The following GAS6 variants were observed in gnomAD, a reference collection of about 807,000 sequenced individuals.
GAS6 encodes growth arrest-specific protein 6.
GAS6 carries 41 observed loss-of-function variants against 75.8 expected under a neutral mutation model. That is an observed-to-expected ratio of 0.54 (90% CI 0.42 to 0.70). GAS6 has a LOEUF of 0.70. Among genes scored for constraint, GAS6 ranks in the 30% least tolerant of loss-of-function variants. GAS6 has a pLI of 0.00. For synonymous variants in GAS6, 432 were observed against 412.6 expected, an observed-to-expected ratio of 1.05 and a Z score of -0.57; for missense variants, 854 against 940.2, an observed-to-expected ratio of 0.91 and a Z score of 1.20.
intron 2 of GAS6, among the ~76,000 whole-genome samples, chr13:113,860,719 T>G (rs530545827): frequency 3.3e-4 from 50 of 151,434 alleles, no homozygotes; most frequent in Admixed American, 3.0e-3. Context: ...AGGAGGCATG[T>G]GGGGGTGGCC....
Position 113,834,691 on chromosome 13 carries a change from C to T in GAS6, c.713-19G>A, listed in dbSNP as rs370209909. ...TCCACATCTGCCAGCCAGAGGGAAG[C>T]GGCGGTGAGCCGGGGAGGCCTCTAC... is the stretch of plus-strand genomic sequence containing the variant. On this transcript the variant is annotated intron_variant, in intron 7 of 14. Coordinates refer to ENST00000327773, the MANE Select transcript of GAS6 (RefSeq NM_000820.4). The T allele has an allele frequency of 1.3e-4, 197 of 1,524,092 alleles. No individual in the cohort carries two copies. The highest frequency in any genetic ancestry group is 7.1e-4 in the Admixed American group (35 of 49,426). The allele number at this position is 1,524,092 out of a possible 1,614,324, so 94.4% of individuals were successfully genotyped here.
In GAS6 at chr13:113,832,416, G is replaced by A. The variant is rs755494619; in HGVS notation, c.1026C>T (p.Asp342=). The change falls in exon 10 of 15, where the codon GAC becomes GAT. Residue 342 remains aspartate (D), a synonymous_variant. Coordinates refer to ENST00000327773, the MANE Select transcript of GAS6 (RefSeq NM_000820.4). ...GILLFAGGHQ[D]STWIVLALRA... ...TCAGGGCCAGCACGATCCAGGTGCT[G>A]TCCTGGTGGCCTCCGGCAAAGAGGA... The A allele has an allele frequency of 4.0e-5, 65 of 1,610,662 alleles. No homozygotes were observed. In the East Asian group the frequency reaches 1.4e-3, roughly 34 times the overall value.
chr13:113,825,970 C>T (rs542517037), intron 12 of GAS6, among the ~76,000 whole-genome samples: 20 of 151,742 alleles, frequency 1.3e-4, no homozygotes, highest in East Asian at 3.9e-4. Flanking sequence ...GCCCTCTGTG[C>T]GTGTGGGGGC....
rs2051662935 is a variant in GAS6 at position 113,833,882 on chromosome 13, AAGTC to A, written c.834+665_834+668del. 15 of 1,033,584 alleles carry A rather than the reference AAGTC, an allele frequency of 1.5e-5. No individual in the cohort carries two copies. In the South Asian group the frequency reaches 4.2e-4, roughly 29 times the overall value. 64.0% of individuals were successfully genotyped at this position (1,033,584 alleles called of 1,614,324 possible). ...GGTCGGTGTGAGACACTGGTGTGAC[AAGTC>A]AGTGTGACAGGCAGTGGTGTGACAG... On this transcript the variant is annotated intron_variant, in intron 8 of 14. Coordinates refer to ENST00000327773, the MANE Select transcript of GAS6 (RefSeq NM_000820.4).
intron 8 of GAS6, 81 bp from the exon 9 acceptor site, chr13:113,832,833 C>A: frequency 6.2e-7 from 1 of 1,600,048 alleles, no homozygotes; most frequent in Middle Eastern, 1.7e-4. Context: ...GGCCGCGCAG[C>A]GGGTCCACTG....
At chr13:113,829,590 G>T (rs2051603602) in intron 10 of GAS6, among the ~76,000 whole-genome samples, 1 of 151,334 alleles carries the variant, frequency 6.6e-6, no homozygotes, top group South Asian at 2.1e-4. Flanking sequence ...AGCCAAGAGG[G>T]TCCCAACCTC....
chr13:113,849,251 G>A (rs1191215365), intron 2 of GAS6, among the ~76,000 whole-genome samples: 2 of 152,148 alleles, frequency 1.3e-5, no homozygotes, highest in African/African-American at 4.8e-5. Context: ...GTGTCTGTTG[G>A]GAGGGCGGCC....
At chr13:113,823,644 G>T (rs7987377) in intron 12 of GAS6, 94 bp from the exon 13 acceptor site, 12 of 1,274,456 alleles carry the variant, frequency 9.4e-6, no homozygotes, top group Admixed American at 8.9e-5. Flanking sequence ...GTCCCAGCCG[G>T]GGTGGGAAGC....
At chr13:113,825,620 A>C (rs148014671) in intron 12 of GAS6, among the ~76,000 whole-genome samples, 1,980 of 152,330 alleles carry the variant, frequency 0.013, 12 homozygotes, top group Non-Finnish European at 0.021. Context: ...TACCCCTGAG[A>C]AATGTGTATG....
intron 4 of GAS6, among the ~76,000 whole-genome samples, chr13:113,846,250 G>A (rs902058665): frequency 1.3e-5 from 2 of 152,244 alleles, no homozygotes; most frequent in African/African-American, 4.8e-5. Context: ...AACTACGGTG[G>A]TGTCTGACTG....
intron 2 of GAS6, among the ~76,000 whole-genome samples, chr13:113,859,057 T>C (rs754691562): frequency 2.8e-4 from 41 of 146,612 alleles, no homozygotes; most frequent in South Asian, 1.0e-3. Context: ...TGTGTGACTG[T>C]GTGTACGTAT....
chr13:113,835,881 G>T (rs1424596144), intron 6 of GAS6: 2 of 1,347,868 alleles, frequency 1.5e-6, no homozygotes, highest in African/African-American at 3.0e-5. Context: ...TGGAGAGCTG[G>T]GAAGGGCCCT....
In GAS6 at chr13:113,823,489, G is replaced by T. The variant is rs766469912; in HGVS notation, c.1539C>A (p.Ile513=). ...STWEVEVVAH[I]RPAADTGVLF... ...GCACGCCTGTGTCTGCGGCTGGGCG[G>T]ATGTGAGCCACGACTTCTACTTCCC... is the stretch of plus-strand genomic sequence containing the variant. The change falls in exon 13 of 15, where the codon ATC becomes ATA. Residue 513 remains isoleucine (I), a synonymous_variant. Coordinates refer to ENST00000327773, the MANE Select transcript of GAS6 (RefSeq NM_000820.4). 1 of 1,612,786 alleles carries T rather than the reference G, an allele frequency of 6.2e-7. No individual in the cohort carries two copies. Among genetic ancestry groups the T allele is most frequent in the Non-Finnish European group, 8.5e-7 (1 of 1,179,948 alleles).
intron 3 of GAS6, chr13:113,847,810 AC>A (rs1334655863): frequency 1.7e-6 from 1 of 597,434 alleles, no homozygotes; most frequent in East Asian, 3.1e-5. Context: ...AACAGCATTC[AC>A]CTGAGGTTCC....
chr13:113,827,251 C>T, intron 11 of GAS6, 87 bp from the exon 12 acceptor site: 2 of 1,365,222 alleles, frequency 1.5e-6, no homozygotes, highest in South Asian at 2.6e-5. Flanking sequence ...GCCTTCGCGG[C>T]CCTGGTATGT....
At chr13:113,855,487 G>A (rs556945653) in intron 2 of GAS6, among the ~76,000 whole-genome samples, 62 of 152,262 alleles carry the variant, frequency 4.1e-4, no homozygotes, top group African/African-American at 1.3e-3. Context: ...GTTTATTTAC[G>A]GCCTCTCCGG....
In GAS6 at chr13:113,825,997, C is replaced by T. The variant is rs573498412; in HGVS notation, c.1477+999G>A. ...TGTGGGGGCTTCACCATAAACGGCT[C>T]GGTGTCCAGGAATAGGGCAGGGCTG... On this transcript the variant is annotated intron_variant, in intron 12 of 14. Transcript: ENST00000327773. Among the ~76,000 whole-genome samples the T allele has an allele frequency of 1.6e-3, 242 of 152,234 alleles. 1 individual carries two copies. Among genetic ancestry groups the T allele is most frequent in the African/African-American group, 5.5e-3 (227 of 41,544 alleles).
In GAS6 at chr13:113,863,740, G is replaced by C. The variant is rs1481470459; in HGVS notation, c.90C>G (p.Ala30=). ...TGGCCTCGCGCGCCGGCAACAGCGC[G>C]GCTGCCCGGAGGGAGAGAGGGGGAC... ...LLLLAAECAL[A]ALLPAREATQ... is the part of the protein sequence containing the mutation. Residue 30 remains alanine (A), a splice_region_variant and synonymous_variant, in exon 2 of 15, where the codon GCC becomes GCG. Coordinates refer to ENST00000327773, the MANE Select transcript of GAS6 (RefSeq NM_000820.4). The surrounding 1 kb of genome is among the most constrained non-coding windows in gnomAD (Gnocchi z 9.4). 1 of 1,491,292 alleles carries C rather than the reference G, an allele frequency of 6.7e-7. No homozygotes were observed. The highest frequency in any genetic ancestry group is 2.2e-5 in the Admixed American group (1 of 44,744). 92.4% of individuals were successfully genotyped at this position (1,491,292 alleles called of 1,614,324 possible).
At chr13:113,858,757 G>A (rs1566376098) in intron 2 of GAS6, among the ~76,000 whole-genome samples, 1 of 151,928 alleles carries the variant, frequency 6.6e-6, no homozygotes, top group Non-Finnish European at 1.5e-5. Context: ...GTTAGTATGT[G>A]TGTGCGTGTC....
Sources: allele counts gnomAD v4.1 joint callset (sites outside exome capture counted in the v4.1 genomes callset), GRCh38; gene constraint gnomAD v4.1.1; non-coding constraint Gnocchi (gnomAD v3.1); transcripts MANE v1.5; gene names NCBI Gene and HGNC (gene_info 2026-07-23, HGNC 2026-07-21).